The following SRGAP1 variants were observed in gnomAD, a reference collection of about 807,000 sequenced individuals.
SRGAP1 encodes the protein SLIT-ROBO Rho GTPase-activating protein 1.
In SRGAP1, 43 loss-of-function variants were observed where a neutral mutation model predicts 121.9. That is an observed-to-expected ratio of 0.35 (90% CI 0.28 to 0.46). The LOEUF (loss-of-function observed/expected upper bound fraction) is 0.46, where lower values mean the gene tolerates loss of function less well. SRGAP1 is among the 20% of genes least tolerant of loss of function. The probability of loss-of-function intolerance (pLI) is 1.00; values close to 1 mark genes in which losing one functional copy is unlikely to be tolerated. For missense variants in SRGAP1, 1,102 were observed against 1,350.9 expected (o/e 0.82, Z 2.89); for synonymous variants, 447 against 485.4 (o/e 0.92, Z 1.04).
intron 1 of SRGAP1, among the ~76,000 whole-genome samples, chr12:63,937,920 C>T (rs1565958720): frequency 6.6e-6 from 1 of 152,246 alleles, no homozygotes; most frequent in Admixed American, 6.5e-5. Flanking sequence ...AGAAGCGCCC[C>T]GTGGCACGGT....
chr12:64,074,758 T>C (rs1278986244), intron 8 of SRGAP1, among the ~76,000 whole-genome samples: 1 of 152,158 alleles, frequency 6.6e-6, no homozygotes, highest in African/African-American at 2.4e-5. Context: ...AATTACTAAA[T>C]ATTGGCACAA....
intron 1 of SRGAP1, among the ~76,000 whole-genome samples, chr12:63,916,278 A>T (rs964687877): frequency 1.2e-4 from 18 of 151,240 alleles, no homozygotes; most frequent in African/African-American, 4.1e-4. Flanking sequence ...GCCCACCTTG[A>T]CCTCCCAAAG....
chr12:63,914,722 G>A lies in SRGAP1; in HGVS notation c.68-69225G>A, dbSNP rs142619957. Among the ~76,000 whole-genome samples, 215 of 152,124 alleles carry A rather than the reference G, an allele frequency of 1.4e-3. 1 individual carries two copies. The highest frequency in any genetic ancestry group is 4.6e-3 in the African/African-American group (190 of 41,512). ...CTCTTCCAAAAATAAGGCAGCTAAC[G>A]GAAAACCCTACAAGTTTCTGTCTAA... On this transcript the variant is annotated intron_variant, in intron 1 of 21. Transcript: ENST00000355086.
chr12:64,068,217 G>T (rs2035573744), intron 8 of SRGAP1, among the ~76,000 whole-genome samples: 1 of 136,464 alleles, frequency 7.3e-6, no homozygotes, highest in African/African-American at 2.8e-5. Context: ...AGATTGCAGT[G>T]AACCGAGATC....
At chr12:63,901,367 G>A (rs1252565101) in intron 1 of SRGAP1, among the ~76,000 whole-genome samples, 2 of 152,306 alleles carry the variant, frequency 1.3e-5, no homozygotes, top group South Asian at 2.1e-4. Flanking sequence ...AAGTCTCCCT[G>A]TTGAGTTGTA....
chr12:63,963,204 G>C (rs2032694100), intron 1 of SRGAP1, among the ~76,000 whole-genome samples: 1 of 152,174 alleles, frequency 6.6e-6, no homozygotes, highest in African/African-American at 2.4e-5. Flanking sequence ...TCAATAGACA[G>C]TGCATTGTTT....
chr12:63,960,234 G>A (rs1231077840), intron 1 of SRGAP1, among the ~76,000 whole-genome samples: 1 of 152,206 alleles, frequency 6.6e-6, no homozygotes. Context: ...GATGAATGCT[G>A]AAATTCTTAC....
At chr12:63,974,945 ATCTGTGATGATGACCCC>A (rs2033054317) in intron 1 of SRGAP1, among the ~76,000 whole-genome samples, 1 of 152,182 alleles carries the variant, frequency 6.6e-6, no homozygotes, top group African/African-American at 2.4e-5. Context: ...CTCTGAAGCT[ATCTGTGATGATGACCCC>A]CAAGTGGCCA....
At chr12:63,872,259 C>T (rs544851068) in intron 1 of SRGAP1, among the ~76,000 whole-genome samples, 92 of 152,250 alleles carry the variant, frequency 6.0e-4, no homozygotes, top group Non-Finnish European at 1.1e-3. Flanking sequence ...CTACAACGTA[C>T]GTGAGAGGTA....
chr12:64,152,210 C>T lies in SRGAP1; in HGVS notation c.*9538C>T, dbSNP rs1026844642. The stretch of plus-strand genomic sequence containing the variant: ...CAAATGTTAACCCTCATAAGAAAGC[C>T]AAGAGAGCCACAGTTATTATCATCA... On this transcript the variant is annotated 3_prime_UTR_variant, in exon 22 of 22. Transcript: ENST00000355086. 6.6e-6 allele frequency: 1 copy of T among 152,112 alleles called. No homozygotes were observed. The highest frequency in any genetic ancestry group is 2.4e-5 in the African/African-American group (1 of 41,400). The allele number at this position is 152,112 out of a possible 1,614,324, so 9.4% of individuals were successfully genotyped here.
intron 3 of SRGAP1, among the ~76,000 whole-genome samples, chr12:63,992,873 A>G (rs2033593470): frequency 6.6e-6 from 1 of 152,174 alleles, no homozygotes; most frequent in Non-Finnish European, 1.5e-5. Context: ...GGCATTTAGT[A>G]GGGGGAATGC....
intron 1 of SRGAP1, chr12:63,888,462 G>C (rs1473433841): frequency 6.6e-6 from 1 of 151,930 alleles, no homozygotes; most frequent in Non-Finnish European, 1.5e-5. Context: ...TCCCAAATTG[G>C]TTTATTATAA....
chr12:64,063,055 G>A lies in SRGAP1; in HGVS notation c.940G>A (p.Asp314Asn), dbSNP rs768873949. 2.2e-5 allele frequency: 35 copies of A among 1,613,948 alleles called. No homozygotes were observed. The highest frequency in any genetic ancestry group is 2.7e-5 in the Non-Finnish European group (32 of 1,180,000). The change falls in exon 7 of 22, where the codon GAT becomes AAT. Residue 314 changes from aspartate to asparagine, a missense_variant. Asp to Asn is a conservative substitution (Grantham distance 23, BLOSUM62 1). Around this residue, in one of 3 missense-constraint regions of SRGAP1, gnomAD observed 747 missense variants for 929.4 expected, o/e 0.80. Transcript: ENST00000355086. ...AGTTGATAATTTAGAGCCCAGGAGC[G>A]ATAAGCAGAGATTCATGGAGATGTA... ...NAVDNLEPRS[D>N]KQRFMEMYPA...
intron 1 of SRGAP1, among the ~76,000 whole-genome samples, chr12:63,865,812 GT>G (rs1899610002): frequency 6.6e-6 from 1 of 152,130 alleles, no homozygotes; most frequent in Admixed American, 6.6e-5. Flanking sequence ...GATGTAATGG[GT>G]TTGCTGGGAT....
intron 10 of SRGAP1, among the ~76,000 whole-genome samples, chr12:64,083,258 T>G (rs1447250998): frequency 5.9e-5 from 9 of 152,134 alleles, no homozygotes; most frequent in African/African-American, 1.2e-4. Context: ...TCCTGACTTT[T>G]TATATAGAAA....
intron 21 of SRGAP1, among the ~76,000 whole-genome samples, chr12:64,135,167 A>G (rs532513894): frequency 1.1e-3 from 172 of 152,268 alleles, no homozygotes; most frequent in African/African-American, 3.9e-3. Flanking sequence ...ATCAGGGTTT[A>G]CAAACTCAGT....
chr12:63,877,974 A>T (rs1187981230), intron 1 of SRGAP1, among the ~76,000 whole-genome samples: 1 of 152,214 alleles, frequency 6.6e-6, no homozygotes, highest in African/African-American at 2.4e-5. Context: ...GGGTTACTTA[A>T]AACACTTTTG....
At position 64,062,966 on chromosome 12, in the gene SRGAP1, A is replaced by G. The variant is rs769440054; in HGVS notation, c.851A>G (p.Tyr284Cys). Residue 284 changes from tyrosine to cysteine, a missense_variant, in exon 7 of 22, where the codon TAT becomes TGT. Tyr to Cys is a radical substitution (Grantham distance 194). Around this residue, in one of 3 missense-constraint regions of SRGAP1, gnomAD observed 747 missense variants for 929.4 expected, o/e 0.80. Transcript: ENST00000355086. ...HASLNRALRT[Y>C]LSAEYNLETS... is the part of the protein sequence containing the mutation. ...AGTCTGAACAGAGCCCTAAGAACAT[A>G]TCTGTCTGCGGAGTACAACCTTGAA... is the stretch of plus-strand genomic sequence containing the variant. The G allele has an allele frequency of 1.4e-5, 22 of 1,613,946 alleles. No individual in the cohort carries two copies. In the Admixed American group the frequency reaches 2.2e-4, roughly 16 times the overall value.
chr12:63,940,660 G>T (rs1352608025), intron 1 of SRGAP1, among the ~76,000 whole-genome samples: 1 of 152,152 alleles, frequency 6.6e-6, no homozygotes, highest in Non-Finnish European at 1.5e-5. Flanking sequence ...ATGGCTAATT[G>T]TTCTTAATTG....
Sources: allele counts gnomAD v4.1 joint callset (sites outside exome capture counted in the v4.1 genomes callset), GRCh38; gene constraint gnomAD v4.1.1; regional missense constraint gnomAD v4.1.1; transcripts MANE v1.5; gene names NCBI Gene and HGNC (gene_info 2026-07-23, HGNC 2026-07-21).